Variants in UGT1A7 observed in about 807,000 individuals in gnomAD.
UGT1A7 encodes the protein UDP glucuronosyltransferase family 1 member A7.
Under a neutral mutation model 45.6 loss-of-function variants are expected in UGT1A7, and 33 were observed. The observed-to-expected ratio is 0.72, with a 90% CI of 0.55 to 0.97. The LOEUF is 0.97. Among genes scored for constraint, UGT1A7 ranks in the 50% least tolerant of loss-of-function variants. UGT1A7 has a pLI of 0.00. For missense variants in UGT1A7, 684 were observed against 666.2 expected (o/e 1.03, Z -0.29); for synonymous variants, 274 against 250.6 (o/e 1.09, Z -0.88).
At chr2:233,747,312 G>A in intron 1 of UGT1A7, 5 of 1,603,228 alleles carry the variant, frequency 3.1e-6, no homozygotes, top group Non-Finnish European at 4.3e-6. Context: ...AGGTGCTGGT[G>A]GTACCCATTG....
intron 1 of UGT1A7, among the ~76,000 whole-genome samples, chr2:233,758,085 A>G (rs1336263007): frequency 6.6e-6 from 1 of 152,196 alleles, no homozygotes; most frequent in African/African-American, 2.4e-5. Flanking sequence ...AGTTCCTAGC[A>G]TAGTGACTGC....
chr2:233,708,677 G>C (rs1252536651), intron 1 of UGT1A7: 1 of 152,186 alleles, frequency 6.6e-6, no homozygotes, highest in African/African-American at 2.4e-5. Context: ...TTTGAGCCCA[G>C]GAGTTCAAGG....
At chr2:233,733,900 C>G (rs1176536983) in intron 1 of UGT1A7, among the ~76,000 whole-genome samples, 1 of 151,704 alleles carries the variant, frequency 6.6e-6, no homozygotes, top group Non-Finnish European at 1.5e-5. Context: ...CTGTTTGTAC[C>G]TCTCTGGTAG....
intron 1 of UGT1A7, chr2:233,712,866 G>T (rs1236935374): frequency 6.4e-7 from 1 of 1,573,916 alleles, no homozygotes; most frequent in Non-Finnish European, 8.6e-7. Context: ...CTGGAGGAGG[G>T]CACTCTGTCT....
At chr2:233,731,367 T>C (rs1429864647) in intron 1 of UGT1A7, among the ~76,000 whole-genome samples, 3 of 152,084 alleles carry the variant, frequency 2.0e-5, no homozygotes, top group East Asian at 1.9e-4. Flanking sequence ...ACATGTGCCA[T>C]GTTGGTTTCC....
chr2:233,704,593 A>G (rs1056281955), intron 1 of UGT1A7, among the ~76,000 whole-genome samples: 3 of 152,182 alleles, frequency 2.0e-5, no homozygotes, highest in Non-Finnish European at 2.9e-5. Context: ...GAGAGAAGAA[A>G]GAAGAGCAAG....
intron 1 of UGT1A7, among the ~76,000 whole-genome samples, chr2:233,720,635 C>T (rs1197990739): frequency 6.6e-6 from 1 of 151,750 alleles, no homozygotes; most frequent in Non-Finnish European, 1.5e-5. Context: ...TGAAATAGTA[C>T]TCTGGGATGT....
intron 1 of UGT1A7, among the ~76,000 whole-genome samples, chr2:233,736,405 A>G (rs1182654353): frequency 4.6e-5 from 7 of 152,208 alleles, no homozygotes; most frequent in Non-Finnish European, 1.0e-4. Context: ...CTAGTTAGGC[A>G]TTCATCTAAC....
intron 1 of UGT1A7, among the ~76,000 whole-genome samples, chr2:233,736,610 A>G (rs2078784118): frequency 6.6e-6 from 1 of 152,034 alleles, no homozygotes; most frequent in Non-Finnish European, 1.5e-5. Context: ...TGGTTTTTAG[A>G]ATTTTCAGCT....
intron 1 of UGT1A7, chr2:233,719,109 A>G (rs1473237971): frequency 1.9e-6 from 3 of 1,614,122 alleles, no homozygotes; most frequent in South Asian, 2.2e-5. Flanking sequence ...GCTGGGCTAC[A>G]CTCAAGGGTT....
At chr2:233,761,529 T>C (rs1208884408) in intron 1 of UGT1A7, among the ~76,000 whole-genome samples, 1 of 152,248 alleles carries the variant, frequency 6.6e-6, no homozygotes, top group Non-Finnish European at 1.5e-5. Flanking sequence ...TCAGGACTGA[T>C]GAAATCATTC....
At chr2:233,739,309 A>G (rs1691043770) in intron 1 of UGT1A7, among the ~76,000 whole-genome samples, 1 of 152,132 alleles carries the variant, frequency 6.6e-6, no homozygotes. Flanking sequence ...TGCCTAGTGG[A>G]GTTGTGAGAA....
chr2:233,745,788 G>T (rs1003270220), intron 1 of UGT1A7, among the ~76,000 whole-genome samples: 2 of 150,764 alleles, frequency 1.3e-5, no homozygotes, highest in African/African-American at 4.9e-5. Flanking sequence ...AGACAGGGGG[G>T]CTGGGGTCTA....
rs371746067 is a variant in UGT1A7, at chr2:233,749,430, ACT to A, written c.856-17603_856-17602del. On this transcript the variant is annotated intron_variant, in intron 1 of 4. Transcript: ENST00000373426. ...TGTTAACTACATTGCTCAAAACTTC[ACT>A]GTCATCTCAGTGGAGCAGAACGAAT... Among the ~76,000 whole-genome samples, 11 of 151,874 alleles carry A rather than the reference ACT, an allele frequency of 7.2e-5. No individual in the cohort carries two copies. In the East Asian group the frequency reaches 1.7e-3, roughly 24 times the overall value.
intron 1 of UGT1A7, among the ~76,000 whole-genome samples, chr2:233,739,404 C>T (rs1454262492): frequency 2.0e-5 from 3 of 152,174 alleles, no homozygotes; most frequent in Admixed American, 2.0e-4. Flanking sequence ...ATCAATGCCA[C>T]CCTCTGAAAG....
intron 4 of UGT1A7, chr2:233,771,569 G>A (rs1337987311): frequency 6.6e-6 from 1 of 152,150 alleles, no homozygotes; most frequent in Non-Finnish European, 1.5e-5. Flanking sequence ...GGCCAGAGGT[G>A]GTTGTTTACA....
At chr2:233,713,888 G>A in intron 1 of UGT1A7, 1 of 1,613,420 alleles carries the variant, frequency 6.2e-7, no homozygotes, top group Non-Finnish European at 8.5e-7. Context: ...TCCAATCAAT[G>A]TTCCAGGCAA....
intron 4 of UGT1A7, 143 bp downstream of exon 4, chr2:233,768,582 CTTTTTT>C (rs139595073): frequency 4.6e-4 from 479 of 1,031,596 alleles, no homozygotes; most frequent in East Asian, 1.4e-3. Context: ...TTTATTTCTT[CTTTTTT>C]TTTTTTTTTT....
chr2:233,725,598 A>C (rs2077461459), intron 1 of UGT1A7, among the ~76,000 whole-genome samples: 1 of 152,158 alleles, frequency 6.6e-6, no homozygotes, highest in Admixed American at 6.5e-5. Flanking sequence ...TATTTGACAT[A>C]GTTTTTTCTT....
Sources: gnomAD v4.1 joint callset for allele counts (sites outside exome capture counted in the v4.1 genomes callset) on GRCh38, gnomAD v4.1.1 for gene constraint, MANE v1.5 for transcripts, NCBI Gene and HGNC (gene_info 2026-07-23, HGNC 2026-07-21) for gene names.